Variants in PP2D1 observed in about 807,000 individuals in gnomAD.
PP2D1 encodes protein phosphatase 2C-like domain-containing protein 1.
PP2D1 carries 25 observed loss-of-function variants against 30.2 expected under a neutral mutation model. That is an observed-to-expected ratio of 0.83 (90% CI 0.60 to 1.16). The LOEUF (loss-of-function observed/expected upper bound fraction) is 1.16, where lower values mean the gene tolerates loss of function less well. PP2D1 is among the 50% of genes most tolerant of loss of function. The pLI, the probability that PP2D1 is intolerant of heterozygous loss-of-function variation, is 0.00. For synonymous variants in PP2D1, 260 were observed against 258.9 expected, an observed-to-expected ratio of 1.00 and a Z score of -0.04; for missense variants, 760 against 742.4, an observed-to-expected ratio of 1.02 and a Z score of -0.28.
At chr3:19,991,727 A>G (rs1697122109) in intron 2 of PP2D1, among the ~76,000 whole-genome samples, 1 of 152,198 alleles carries the variant, frequency 6.6e-6, no homozygotes, top group African/African-American at 2.4e-5. Flanking sequence ...GTGAGACTCA[A>G]TAAGCTAATT....
At chr3:20,006,813 G>C (rs1178381192) in intron 1 of PP2D1, among the ~76,000 whole-genome samples, 2 of 151,778 alleles carry the variant, frequency 1.3e-5, no homozygotes, top group Non-Finnish European at 2.9e-5. Flanking sequence ...GTCTTGCTCT[G>C]TCGCCCAGGC....
chr3:20,007,783 AAAAGAGAG>A (rs1697338356), intron 1 of PP2D1: 1 of 150,184 alleles, frequency 6.7e-6, no homozygotes, highest in African/African-American at 2.5e-5. Context: ...AAAAAAAAAA[AAAAGAGAG>A]AGAGAGAATA....
At chr3:20,004,074 C>T (rs1046701713) in intron 1 of PP2D1, among the ~76,000 whole-genome samples, 1 of 152,208 alleles carries the variant, frequency 6.6e-6, no homozygotes, top group Non-Finnish European at 1.5e-5. Context: ...ACACTCATCA[C>T]TCACTGACAC....
At chr3:20,002,286 T>A (rs1335241205) in intron 1 of PP2D1, among the ~76,000 whole-genome samples, 190 bp from the exon 2 acceptor site, 1 of 152,202 alleles carries the variant, frequency 6.6e-6, no homozygotes, top group Non-Finnish European at 1.5e-5. Context: ...TGTGTCTCCC[T>A]GAAATAAATT....
At chr3:19,993,384 C>A (rs145944267) in intron 2 of PP2D1, among the ~76,000 whole-genome samples, 1 of 152,198 alleles carries the variant, frequency 6.6e-6, no homozygotes, top group Non-Finnish European at 1.5e-5. Flanking sequence ...TTCAGGTATA[C>A]CAAGAGCAGA....
intron 2 of PP2D1, among the ~76,000 whole-genome samples, chr3:19,991,392 C>T (rs189246114): frequency 3.3e-5 from 5 of 152,160 alleles, no homozygotes; most frequent in Admixed American, 3.3e-4. Context: ...CAGATAAAGC[C>T]AGAAAGGTGA....
chr3:20,011,874 A>G (rs918978004), intron 1 of PP2D1, among the ~76,000 whole-genome samples, 176 bp downstream of exon 1: 1 of 152,110 alleles, frequency 6.6e-6, no homozygotes, highest in Non-Finnish European at 1.5e-5. Context: ...GAGCATAGAG[A>G]GGAATGGAAT....
chr3:19,983,897 C>G (rs1696981412), downstream of PP2D1: 1 of 1,001,314 alleles, frequency 1.0e-6, no homozygotes, highest in South Asian at 1.5e-5. Context: ...GAGCATTTAA[C>G]CAGCCCAGTA....
At chr3:19,993,734 T>C (rs1050612589) in intron 2 of PP2D1, among the ~76,000 whole-genome samples, 2 of 151,378 alleles carry the variant, frequency 1.3e-5, no homozygotes, top group Admixed American at 6.6e-5. Context: ...AGCAAGACTG[T>C]TTGTTTGTTT....
intron 2 of PP2D1, among the ~76,000 whole-genome samples, chr3:19,998,697 G>T (rs2948107): frequency 0.22 from 32,919 of 151,970 alleles, 3,911 homozygotes; most frequent in South Asian, 0.33. Flanking sequence ...GAACTAATAT[G>T]TCATTATAAG....
intron 2 of PP2D1, among the ~76,000 whole-genome samples, chr3:19,993,499 G>A (rs942461797): frequency 1.3e-5 from 2 of 152,144 alleles, no homozygotes; most frequent in African/African-American, 4.8e-5. Context: ...ACTTTGGGAG[G>A]CCAAAGCAGG....
intron 2 of PP2D1, 98 bp from the exon 3 acceptor site, chr3:19,986,280 C>G: frequency 1.2e-6 from 1 of 832,836 alleles, no homozygotes. Flanking sequence ...TGTTTCAATG[C>G]TAAACAGAAA....
chr3:19,992,313 T>A (rs1391015347), intron 2 of PP2D1, among the ~76,000 whole-genome samples: 2 of 152,088 alleles, frequency 1.3e-5, no homozygotes, highest in African/African-American at 4.8e-5. Flanking sequence ...GTTCTCAGAA[T>A]CAGGTTTGTA....
chr3:19,987,882 C>A (rs920501030), intron 2 of PP2D1, among the ~76,000 whole-genome samples: 1 of 152,160 alleles, frequency 6.6e-6, no homozygotes, highest in Non-Finnish European at 1.5e-5. Context: ...CAAGTTAATA[C>A]TTCTATAATT....
chr3:20,012,101 T>G lies in PP2D1; in HGVS notation c.-29A>C, dbSNP rs1697395553. The G allele has an allele frequency of 6.6e-7, 1 of 1,521,130 alleles. No individual in the cohort carries two copies. The highest frequency in any genetic ancestry group is 1.4e-5 in the African/African-American group (1 of 72,576). 94.2% of individuals were successfully genotyped at this position (1,521,130 alleles called of 1,614,324 possible). A position where few individuals can be genotyped will look rare whatever the true frequency, so the allele number is the denominator to read the frequency against. Reference sequence around the variant, plus strand: ...CCTTTGGAATTACCTTTCTTTGCCCTCCCTTTATCCCCTTCCCCTGGCCTC... The same window carrying G: ...CCTTTGGAATTACCTTTCTTTGCCCGCCCTTTATCCCCTTCCCCTGGCCTC... On this transcript the variant is annotated 5_prime_UTR_variant, in exon 1 of 3. Transcript: ENST00000389050.
chr3:19,992,146 T>A (rs1210913672), intron 2 of PP2D1, among the ~76,000 whole-genome samples: 1 of 152,238 alleles, frequency 6.6e-6, no homozygotes, highest in Non-Finnish European at 1.5e-5. Context: ...CTTATTCATG[T>A]TGAACTAGCT....
downstream of PP2D1, chr3:19,983,768 G>A (rs1382009772): frequency 1.9e-6 from 3 of 1,612,594 alleles, no homozygotes; most frequent in Non-Finnish European, 2.5e-6. Context: ...AGAGGAAGAG[G>A]AGTAGACCTT....
At chr3:19,980,462 T>G (rs974338940), downstream of PP2D1, among the ~76,000 whole-genome samples, 1 of 152,190 alleles carries the variant, frequency 6.6e-6, no homozygotes, top group South Asian at 2.1e-4. Flanking sequence ...TTTCTTTTTT[T>G]TTTTGTTATG....
intron 1 of PP2D1, 139 bp from the exon 2 acceptor site, chr3:20,002,235 C>A (rs939787724): frequency 4.8e-6 from 3 of 620,928 alleles, no homozygotes; most frequent in Non-Finnish European, 8.3e-6. Context: ...AGTCATATTT[C>A]TCAAAAAACA....
Sources: allele counts gnomAD v4.1 joint callset (sites outside exome capture counted in the v4.1 genomes callset), GRCh38; gene constraint gnomAD v4.1.1; transcripts MANE v1.5; gene names NCBI Gene and HGNC (gene_info 2026-07-23, HGNC 2026-07-21).